The following NUP214 variants were observed in gnomAD, a reference collection of about 807,000 sequenced individuals.
The protein encoded by NUP214 is nucleoporin 214, also known as nuclear pore complex protein Nup214.
In NUP214, 79 loss-of-function variants were observed where a neutral mutation model predicts 196.2. That is an observed-to-expected ratio of 0.40 (90% CI 0.34 to 0.49). The LOEUF (loss-of-function observed/expected upper bound fraction) is 0.49, where lower values mean the gene tolerates loss of function less well. Ranked by LOEUF, NUP214 falls within the 20% of genes least tolerant of loss-of-function variation. The pLI is 0.58. For synonymous variants in NUP214, 1,020 were observed against 990.5 expected, an observed-to-expected ratio of 1.03 and a Z score of -0.56; for missense variants, 2,468 against 2,539.0, an observed-to-expected ratio of 0.97 and a Z score of 0.60.
At position 131,147,588 on chromosome 9, in the gene NUP214, T is replaced by G; in HGVS notation, c.2040+4T>G. On this transcript the variant is annotated splice_donor_region_variant and intron_variant, in intron 14 of 35. Coordinates refer to ENST00000359428, the MANE Select transcript of NUP214 (RefSeq NM_005085.4). ...GGCAAAGCCAGGCTCTCCCCAGGTA[T>G]GTTTAAATTCAGCTTGCAATGTTTG... 6.2e-7 allele frequency: 1 copy of G among 1,603,276 alleles called. No individual in the cohort carries two copies. The highest frequency in any genetic ancestry group is 8.5e-7 in the Non-Finnish European group (1 of 1,170,830).
intron 31 of NUP214, among the ~76,000 whole-genome samples, chr9:131,221,977 G>GA (rs972698493): frequency 2.6e-5 from 4 of 151,966 alleles, no homozygotes; most frequent in African/African-American, 4.8e-5. Flanking sequence ...TGTAACAGGT[G>GA]AAAAAAAATT....
At chr9:131,177,895 A>T (rs1833160462) in intron 23 of NUP214, among the ~76,000 whole-genome samples, 1 of 152,116 alleles carries the variant, frequency 6.6e-6, no homozygotes, top group Non-Finnish European at 1.5e-5. Flanking sequence ...GCAGCCCCTA[A>T]CACAGAGCCT....
Position 131,232,942 on chromosome 9 carries a change from T to C in NUP214, c.6240-512T>C, listed in dbSNP as rs187364378. On this transcript the variant is annotated intron_variant, in intron 35 of 35. Coordinates refer to ENST00000359428, the MANE Select transcript of NUP214 (RefSeq NM_005085.4). The surrounding 1 kb of genome is among the most constrained non-coding windows in gnomAD (Gnocchi z 5.1). ...GGAGGATCACTTGAGCCTGGGAGGT[T>C]GAGGCTGCAGTGAGCCAAGATGGTA... 345 of 155,598 alleles carry C rather than the reference T, an allele frequency of 2.2e-3. 4 individuals are homozygous for C. Among genetic ancestry groups the C allele is most frequent in the African/African-American group, 8.0e-3 (329 of 41,382 alleles). 9.6% of individuals were successfully genotyped at this position (155,598 alleles called of 1,614,324 possible). A position where few individuals can be genotyped will look rare whatever the true frequency, so the allele number is the denominator to read the frequency against.
chr9:131,234,081 G>T lies in NUP214; in HGVS notation c.*594G>T, dbSNP rs566923619. The T allele has an allele frequency of 4.0e-6, 1 of 248,282 alleles. No homozygotes were observed. Among genetic ancestry groups the T allele is most frequent in the African/African-American group, 2.2e-5 (1 of 45,776 alleles). 15.4% of individuals were successfully genotyped at this position (248,282 alleles called of 1,614,324 possible). The stretch of plus-strand genomic sequence containing the variant: ...TCAGAAGCAGCCATAGCGCTTTTCA[G>T]TACAGTACAATAGTAGCCAGCGTGA... On this transcript the variant is annotated 3_prime_UTR_variant, in exon 36 of 36. Coordinates refer to ENST00000359428, the MANE Select transcript of NUP214 (RefSeq NM_005085.4).
intron 2 of NUP214, 96 bp from the exon 3 acceptor site, chr9:131,128,235 GT>G (rs1831423209): frequency 9.0e-7 from 1 of 1,107,502 alleles, no homozygotes. Context: ...GTGTGTTTAT[GT>G]AGATGCAAAA....
In NUP214 at chr9:131,198,679, G is replaced by T; in HGVS notation, c.5185G>T (p.Ala1729Ser). 8.1e-6 allele frequency: 13 copies of T among 1,614,214 alleles called. No individual in the cohort carries two copies. Among genetic ancestry groups the T allele is most frequent in the Non-Finnish European group, 1.1e-5 (13 of 1,180,032 alleles). Reference protein sequence around the residue: ...GVFGQTTFGQASVFGQSASSA... With the variant: ...GVFGQTTFGQSSVFGQSASSA... ...CTTTGGACAGACAACCTTCGGGCAG[G>T]CCTCAGTCTTTGGGCAGTCGGCGAG... The change falls in exon 29 of 36, where the codon GCC becomes TCC. Residue 1729 changes from alanine (A) to serine (S), a missense_variant. Physicochemically the swap from Ala to Ser is moderately conservative, Grantham distance 99. This residue lies in a region of NUP214 where 1,801 missense variants were observed against 1,779.4 expected (regional missense o/e 1.01). Coordinates refer to ENST00000359428, the MANE Select transcript of NUP214 (RefSeq NM_005085.4).
At chr9:131,230,387 CTA>C (rs1465038104) in intron 33 of NUP214, 4 of 510,418 alleles carry the variant, frequency 7.8e-6, no homozygotes, top group African/African-American at 7.7e-5. Context: ...GGGATGGAAA[CTA>C]AAACACTGGC....
At chr9:131,206,801 C>CT (rs1233073040) in intron 30 of NUP214, among the ~76,000 whole-genome samples, 1 of 152,150 alleles carries the variant, frequency 6.6e-6, no homozygotes, top group Non-Finnish European at 1.5e-5. Context: ...CCATGTATAA[C>CT]TAACAAGCAC....
At chr9:131,183,103 C>A (rs1373503599) in intron 24 of NUP214, among the ~76,000 whole-genome samples, 1 of 152,190 alleles carries the variant, frequency 6.6e-6, no homozygotes, top group Non-Finnish European at 1.5e-5. Flanking sequence ...CACTACCCCC[C>A]AGATGGATTC....
At chr9:131,216,977 A>G (rs1037766909) in intron 31 of NUP214, among the ~76,000 whole-genome samples, 1 of 152,152 alleles carries the variant, frequency 6.6e-6, no homozygotes, top group Non-Finnish European at 1.5e-5. Context: ...AATGTGCCCT[A>G]CATGAAGTTT....
At chr9:131,127,796 C>T in intron 2 of NUP214, 77 bp downstream of exon 2, 1 of 1,051,104 alleles carries the variant, frequency 9.5e-7, no homozygotes, top group Admixed American at 2.1e-5. Context: ...CCCAAGAAGT[C>T]ATTCTAATAC....
intron 26 of NUP214, chr9:131,190,391 T>TG: frequency 7.4e-6 from 5 of 675,368 alleles, no homozygotes; most frequent in Non-Finnish European, 1.1e-5. Flanking sequence ...TAGTGTGACT[T>TG]GCAAGAAATT....
In NUP214 at chr9:131,179,704, A is replaced by G. The variant is rs531559430; in HGVS notation, c.3419+1294A>G. On this transcript the variant is annotated intron_variant, in intron 24 of 35. Transcript: ENST00000359428. ...CTGGTCCGCTGGCCTCTTTTTTTCCATGTTGTTCTGTTTATCAACACTGCT... is the reference window on the plus strand; with the variant it reads ...CTGGTCCGCTGGCCTCTTTTTTTCCGTGTTGTTCTGTTTATCAACACTGCT... 3.3e-5 allele frequency among the ~76,000 whole-genome samples: 5 copies of G among 151,858 alleles called. No homozygotes were observed. In the East Asian group the frequency reaches 9.7e-4, roughly 29 times the overall value.
Position 131,144,673 on chromosome 9 carries a change from C to G in NUP214, c.1688C>G (p.Pro563Arg). Residue 563 changes from proline to arginine, a missense_variant, in exon 12 of 36, where the codon CCA (proline) becomes CGA (arginine). Coordinates refer to ENST00000359428, the MANE Select transcript of NUP214 (RefSeq NM_005085.4). ...CCTACCCTGGAAAGCACACCAGTGCCAAGTGTGTCTGCTCCAAATATAGCA... is the reference window on the plus strand; with the variant it reads ...CCTACCCTGGAAAGCACACCAGTGCGAAGTGTGTCTGCTCCAAATATAGCA... Reference protein sequence around the residue: ...FKPTLESTPVPSVSAPNIAMK... With the variant: ...FKPTLESTPVRSVSAPNIAMK... 2.5e-6 allele frequency: 4 copies of G among 1,614,168 alleles called. No individual in the cohort carries two copies. Among genetic ancestry groups the G allele is most frequent in the Non-Finnish European group, 3.4e-6 (4 of 1,180,008 alleles).
Position 131,125,964 on chromosome 9 carries a change from AG to A in NUP214, c.45+216del. 1.7e-6 allele frequency: 1 copy of A among 600,512 alleles called. No homozygotes were observed. The highest frequency in any genetic ancestry group is 2.9e-6 in the Non-Finnish European group (1 of 343,214). The allele number at this position is 600,512 out of a possible 1,614,324, so 37.2% of individuals were successfully genotyped here. A position where few individuals can be genotyped will look rare whatever the true frequency, so the allele number is the denominator to read the frequency against. On this transcript the variant is annotated intron_variant, in intron 1 of 35. Coordinates refer to ENST00000359428, the MANE Select transcript of NUP214 (RefSeq NM_005085.4). This position sits in a 1 kb window ranked among gnomAD's most constrained non-coding sequence, Gnocchi z 4.1. Reference sequence around the variant, plus strand: ...ATCCTGGTCTCGTGCACGGCTGTTGAGTTACCCTAGCTACTTCCTGGGGCGG... The same window carrying A: ...ATCCTGGTCTCGTGCACGGCTGTTGATTACCCTAGCTACTTCCTGGGGCGG...
chr9:131,184,848 A>G (rs1833405873), intron 24 of NUP214, among the ~76,000 whole-genome samples: 1 of 152,230 alleles, frequency 6.6e-6, no homozygotes, highest in Admixed American at 6.5e-5. Context: ...AGATGTCAAA[A>G]ACGCCCAAGA....
chr9:131,219,945 CTG>C (rs1236574280), intron 31 of NUP214, among the ~76,000 whole-genome samples: 1 of 152,164 alleles, frequency 6.6e-6, no homozygotes, highest in Non-Finnish European at 1.5e-5. Flanking sequence ...GTCTGATACT[CTG>C]TATCGGATTT....
intron 24 of NUP214, among the ~76,000 whole-genome samples, chr9:131,182,683 T>C (rs1275150274): frequency 6.6e-6 from 1 of 152,230 alleles, no homozygotes; most frequent in Non-Finnish European, 1.5e-5. Context: ...CTGTGACTTT[T>C]AATTGGGGTG....
chr9:131,164,216 C>G, intron 21 of NUP214, 72 bp downstream of exon 21: 1 of 1,375,702 alleles, frequency 7.3e-7, no homozygotes, highest in African/African-American at 1.4e-5. Context: ...TGCGCGCGCA[C>G]ATGCACGTGT....
Sources: gnomAD v4.1 joint callset for allele counts (sites outside exome capture counted in the v4.1 genomes callset) on GRCh38, gnomAD v4.1.1 for gene constraint, gnomAD v4.1.1 regional missense constraint, Gnocchi (gnomAD v3.1) non-coding constraint, MANE v1.5 for transcripts, NCBI Gene and HGNC (gene_info 2026-07-23, HGNC 2026-07-21) for gene names.